IL1RL1: variants seen among roughly 807,000 people sequenced by gnomAD.
IL1RL1 encodes the protein interleukin 1 receptor like 1.
In IL1RL1, 32 loss-of-function variants were observed where a neutral mutation model predicts 50.9. The ratio of observed to expected loss-of-function variants is 0.63; its 90% CI spans 0.47 to 0.84. The LOEUF (loss-of-function observed/expected upper bound fraction) is 0.84. IL1RL1 is among the 40% of genes least tolerant of loss of function. IL1RL1 has a pLI of 0.00. For missense variants in IL1RL1, 773 were observed against 662.9 expected (o/e 1.17, Z -1.82); for synonymous variants, 275 against 236.0 (o/e 1.17, Z -1.51).
intron 1 of IL1RL1, among the ~76,000 whole-genome samples, chr2:102,318,495 G>A (rs1395448283): frequency 6.6e-6 from 1 of 152,178 alleles, no homozygotes; most frequent in East Asian, 1.9e-4. Flanking sequence ...GGTTATTTTT[G>A]TGATGTCTGG....
intron 4 of IL1RL1, 50 bp downstream of exon 4, chr2:102,340,322 G>C (rs1363729527): frequency 2.0e-6 from 3 of 1,472,452 alleles, no homozygotes; most frequent in Non-Finnish European, 2.8e-6. Flanking sequence ...AATTAAAATA[G>C]ACACAAGTGG....
chr2:102,347,029 G>T (rs560330982), intron 8 of IL1RL1, among the ~76,000 whole-genome samples: 2 of 152,304 alleles, frequency 1.3e-5, no homozygotes, highest in South Asian at 2.1e-4. Flanking sequence ...AGAAGTATGG[G>T]CTATGAGTAG....
chr2:102,342,977 G>A lies in IL1RL1; in HGVS notation c.683-59G>A, dbSNP rs541096350. On this transcript the variant is annotated intron_variant, in intron 6 of 10. Coordinates refer to ENST00000233954, the MANE Select transcript of IL1RL1 (RefSeq NM_016232.5). ...TAAGGTTTTTTTTTTACATTAAATG[G>A]GATAAAATGCCAGTCGCAGAAGTTA... The A allele has an allele frequency of 1.7e-5, 27 of 1,543,538 alleles. No individual in the cohort carries two copies. In the South Asian group the frequency reaches 3.2e-4, roughly 18 times the overall value.
intron 1 of IL1RL1, among the ~76,000 whole-genome samples, chr2:102,330,903 TAATAC>T (rs1241742960): frequency 6.6e-6 from 1 of 152,230 alleles, no homozygotes. Flanking sequence ...TTCTGTTATG[TAATAC>T]AATCCATTTT....
intron 1 of IL1RL1, among the ~76,000 whole-genome samples, chr2:102,326,583 T>G (rs1014006091): frequency 3.9e-5 from 6 of 152,082 alleles, no homozygotes; most frequent in Non-Finnish European, 8.8e-5. Flanking sequence ...TCAAGACCCA[T>G]CAGTGTGTTA....
At chr2:102,344,908 A>G in intron 8 of IL1RL1, 1 of 971,574 alleles carries the variant, frequency 1.0e-6, no homozygotes, top group African/African-American at 1.8e-5. Context: ...GATTTTAATG[A>G]TATCATTATA....
intron 2 of IL1RL1, 22 bp downstream of exon 2, chr2:102,338,347 T>TAATTTATAAA: frequency 7.3e-7 from 1 of 1,367,640 alleles, no homozygotes; most frequent in Non-Finnish European, 1.0e-6. Flanking sequence ...CTTCTAAGTA[T>TAATTTATAAA]AATTTAAATT....
rs764326600 is a variant in IL1RL1 at position 102,340,720 on chromosome 2, A to G, written c.502A>G (p.Ile168Val). Residue 168 changes from isoleucine to valine, a missense_variant, in exon 5 of 11, where the codon ATT (isoleucine) becomes GTT (valine). Coordinates refer to ENST00000233954, the MANE Select transcript of IL1RL1 (RefSeq NM_016232.5). ...CAGGGCGCACAAGTCATTTTTGGTC[A>G]TTGATAATGTGATGACTGAGGACGC... Reference protein sequence around the residue: ...RYRAHKSFLVIDNVMTEDAGD... With the variant: ...RYRAHKSFLVVDNVMTEDAGD... 1.3e-5 allele frequency: 21 copies of G among 1,599,668 alleles called. No homozygotes were observed. The Middle Eastern group carries it at 8.3e-4, about 63-fold the overall frequency.
chr2:102,335,017 A>G (rs76362690), intron 1 of IL1RL1, among the ~76,000 whole-genome samples: 13,844 of 152,242 alleles, frequency 0.091, 754 homozygotes, highest in Non-Finnish European at 0.13. Context: ...CTTAGATTCT[A>G]TGAGATTAAT....
At chr2:102,348,959 T>C (rs1677858649) in intron 9 of IL1RL1, 120 bp from the exon 10 acceptor site, 1 of 704,664 alleles carries the variant, frequency 1.4e-6, no homozygotes, top group African/African-American at 1.8e-5. Context: ...GTCTAGAATA[T>C]TTTGGAGGAT....
At chr2:102,335,871 C>T (rs1288708993) in intron 1 of IL1RL1, among the ~76,000 whole-genome samples, 3 of 152,100 alleles carry the variant, frequency 2.0e-5, no homozygotes, top group Non-Finnish European at 4.4e-5. Context: ...TGATCTCACA[C>T]CCAAACTGCA....
At chr2:102,341,585 C>T (rs1357185355) in intron 5 of IL1RL1, among the ~76,000 whole-genome samples, 1 of 152,146 alleles carries the variant, frequency 6.6e-6, no homozygotes, top group Non-Finnish European at 1.5e-5. Flanking sequence ...CAATACTCCA[C>T]CGCTGTAAAA....
At chr2:102,317,353 C>CA (rs1010303033) in intron 1 of IL1RL1, among the ~76,000 whole-genome samples, 10 of 147,192 alleles carry the variant, frequency 6.8e-5, no homozygotes, top group East Asian at 3.9e-4. Flanking sequence ...GACTCTGTCT[C>CA]AAAAAAAAAA....
Position 102,341,364 on chromosome 2 carries a change from C to G in IL1RL1, c.610+536C>G, listed in dbSNP as rs1226014207. 6.7e-6 allele frequency: 8 copies of G among 1,186,150 alleles called. No individual in the cohort carries two copies. In the African/African-American group the frequency reaches 1.3e-4, roughly 20 times the overall value. The allele number at this position is 1,186,150 out of a possible 1,614,324, so 73.5% of individuals were successfully genotyped here. A position where few individuals can be genotyped will look rare whatever the true frequency, so the allele number is the denominator to read the frequency against. On this transcript the variant is annotated intron_variant, in intron 5 of 10. Transcript: ENST00000233954. ...ACATCATCAATGGCCTTGAGTAAGT[C>G]ACTTCATTCTAAAAATGTGTTTTCC... is the stretch of plus-strand genomic sequence containing the variant.
intron 1 of IL1RL1, among the ~76,000 whole-genome samples, chr2:102,322,593 T>C (rs954406474): frequency 2.0e-5 from 3 of 152,250 alleles, no homozygotes; most frequent in Non-Finnish European, 4.4e-5. Context: ...AATACAGTTC[T>C]CTTCTTATTA....
chr2:102,343,020 C>T lies in IL1RL1; in HGVS notation c.683-16C>T, dbSNP rs1285210082. The T allele has an allele frequency of 6.2e-7, 1 of 1,611,518 alleles. No homozygotes were observed. The highest frequency in any genetic ancestry group is 1.7e-4 in the Middle Eastern group (1 of 6,040). On this transcript the variant is annotated splice_polypyrimidine_tract_variant and intron_variant, in intron 6 of 10. Coordinates refer to ENST00000233954, the MANE Select transcript of IL1RL1 (RefSeq NM_016232.5). ...AGAAGTTAATTTTATTGGTGAATGTCCTTACTCCCCTCTAGGAAAAAACGC... is the reference window on the plus strand; with the variant it reads ...AGAAGTTAATTTTATTGGTGAATGTTCTTACTCCCCTCTAGGAAAAAACGC...
In IL1RL1 at chr2:102,348,164, T is replaced by C. The variant is rs147776278; in HGVS notation, c.1117+73T>C. On this transcript the variant is annotated intron_variant, in intron 9 of 10. Coordinates refer to ENST00000233954, the MANE Select transcript of IL1RL1 (RefSeq NM_016232.5). ...TAACTGTTGGTTACCTGTCTATTAA[T>C]CTTTCAGTAGCTAGGCTGCTAAGCC... The C allele has an allele frequency of 4.1e-4, 492 of 1,187,464 alleles. No homozygotes were observed. The African/African-American group carries it at 6.3e-3, about 15-fold the overall frequency. The allele number at this position is 1,187,464 out of a possible 1,614,324, so 73.6% of individuals were successfully genotyped here. A position where few individuals can be genotyped will look rare whatever the true frequency, so the allele number is the denominator to read the frequency against.
chr2:102,322,903 T>C (rs980710415), intron 1 of IL1RL1, among the ~76,000 whole-genome samples: 1 of 152,222 alleles, frequency 6.6e-6, no homozygotes, highest in Non-Finnish European at 1.5e-5. Context: ...ATATGTAGTC[T>C]TCTGTGTTTA....
chr2:102,323,888 C>T lies in IL1RL1; in HGVS notation c.-150+12265C>T, dbSNP rs538619606. Among the ~76,000 whole-genome samples, 3 of 152,286 alleles carry T rather than the reference C, an allele frequency of 2.0e-5. No homozygotes were observed. In the East Asian group the frequency reaches 5.8e-4, roughly 29 times the overall value. ...ATAAGTAATTGCTACCCTTCATCTTCCATTCTAGGTACCCACTCACTGGCC... is the reference window on the plus strand; with the variant it reads ...ATAAGTAATTGCTACCCTTCATCTTTCATTCTAGGTACCCACTCACTGGCC... On this transcript the variant is annotated intron_variant, in intron 1 of 10. Coordinates refer to ENST00000233954, the MANE Select transcript of IL1RL1 (RefSeq NM_016232.5).
Sources: gnomAD v4.1 joint callset for allele counts (sites outside exome capture counted in the v4.1 genomes callset) on GRCh38, gnomAD v4.1.1 for gene constraint, MANE v1.5 for transcripts, NCBI Gene and HGNC (gene_info 2026-07-23, HGNC 2026-07-21) for gene names.